DDC: variants seen among roughly 807,000 people sequenced by gnomAD.
DDC encodes dopa decarboxylase, also known as aromatic-L-amino-acid decarboxylase.
DDC carries 43 observed loss-of-function variants against 60.0 expected under a neutral mutation model. The ratio of observed to expected loss-of-function variants is 0.72; its 90% CI spans 0.56 to 0.92. The LOEUF (loss-of-function observed/expected upper bound fraction) is 0.92, where lower values mean the gene tolerates loss of function less well. Ranked by LOEUF, DDC falls within the 40% of genes least tolerant of loss-of-function variation. The pLI, the probability that DDC is intolerant of heterozygous loss-of-function variation, is 0.00. For synonymous variants in DDC, 232 were observed against 234.6 expected, an observed-to-expected ratio of 0.99 and a Z score of 0.10; for missense variants, 573 against 620.2, an observed-to-expected ratio of 0.92 and a Z score of 0.81.
chr7:50,520,576 A>G (rs2043861651), intron 6 of DDC, among the ~76,000 whole-genome samples: 1 of 152,222 alleles, frequency 6.6e-6, no homozygotes, highest in East Asian at 1.9e-4. Context: ...TCTAAAATCT[A>G]TAATCTAAGC....
chr7:50,476,542 G>A (rs935420129), intron 11 of DDC, 82 bp downstream of exon 11: 18 of 1,258,094 alleles, frequency 1.4e-5, no homozygotes, highest in Non-Finnish European at 2.1e-5. Flanking sequence ...CATGAGAGTG[G>A]GGGAGGAGAT....
chr7:50,500,343 C>T (rs980618933), intron 7 of DDC, among the ~76,000 whole-genome samples: 16 of 152,204 alleles, frequency 1.1e-4, no homozygotes, highest in African/African-American at 3.9e-4. Flanking sequence ...CTCATTACCA[C>T]TGGAAGGCCC....
At chr7:50,540,660 C>T (rs936909607) in intron 2 of DDC, among the ~76,000 whole-genome samples, 5 of 152,224 alleles carry the variant, frequency 3.3e-5, no homozygotes, top group African/African-American at 1.2e-4. Context: ...GTCCCTCAGC[C>T]TGGCCACTGC....
intron 9 of DDC, 135 bp downstream of exon 9, chr7:50,495,215 A>G: frequency 1.4e-6 from 1 of 722,572 alleles, no homozygotes; most frequent in Non-Finnish European, 2.5e-6. Context: ...CAATAATTCC[A>G]TCAAGGGTTC....
At chr7:50,459,853 GGCCA>G (rs2042219780) in intron 14 of DDC, among the ~76,000 whole-genome samples, 3 of 142,326 alleles carry the variant, frequency 2.1e-5, no homozygotes, top group Admixed American at 1.4e-4. Flanking sequence ...CCCCCGGCCC[GGCCA>G]GCCGCCCCGT....
chr7:50,540,117 C>T (rs2044574046), intron 2 of DDC, 89 bp from the exon 3 acceptor site: 3 of 975,826 alleles, frequency 3.1e-6, no homozygotes, highest in Admixed American at 2.0e-5. Context: ...TGGCTCCCAG[C>T]TGCCAGATGC....
At chr7:50,558,510 T>C (rs1363909205) in intron 1 of DDC, among the ~76,000 whole-genome samples, 1 of 152,208 alleles carries the variant, frequency 6.6e-6, no homozygotes, top group Admixed American at 6.5e-5. Context: ...TGTTGAACTT[T>C]GGTTGCCACA....
chr7:50,530,828 G>A (rs911281575), intron 4 of DDC, among the ~76,000 whole-genome samples: 20 of 152,112 alleles, frequency 1.3e-4, no homozygotes, highest in African/African-American at 4.8e-4. Flanking sequence ...TAACATGATA[G>A]GTTTTTACAG....
intron 6 of DDC, among the ~76,000 whole-genome samples, chr7:50,508,043 C>G (rs2043448113): frequency 6.6e-6 from 1 of 152,230 alleles, no homozygotes; most frequent in Non-Finnish European, 1.5e-5. Flanking sequence ...ACCCCTGGGA[C>G]ACCAGTCCCT....
At chr7:50,533,890 C>T (rs1349663088) in intron 4 of DDC, among the ~76,000 whole-genome samples, 1 of 152,168 alleles carries the variant, frequency 6.6e-6, no homozygotes, top group Non-Finnish European at 1.5e-5. Flanking sequence ...ATCTGTCCTG[C>T]AGACCCTGGC....
intron 14 of DDC, among the ~76,000 whole-genome samples, chr7:50,461,902 G>T (rs1205365399): frequency 1.3e-5 from 2 of 152,140 alleles, no homozygotes; most frequent in African/African-American, 4.8e-5. Flanking sequence ...AAAGGACCTG[G>T]TTCTCAGGGC....
rs930260961 is a variant in DDC at position 50,476,922 on chromosome 7, C to G, written c.1022-279G>C. Among the ~76,000 whole-genome samples the G allele has an allele frequency of 2.0e-5, 3 of 152,316 alleles. No individual in the cohort carries two copies. The South Asian group carries it at 6.2e-4, about 32-fold the overall frequency. ...TTCTGCAGTTACATAGCATGAACAT[C>G]TGAGGTTTCATCTAGTGCCCAGTAG... On this transcript the variant is annotated intron_variant, in intron 10 of 14. Coordinates refer to ENST00000444124, the MANE Select transcript of DDC (RefSeq NM_001082971.2).
chr7:50,500,275 G>A (rs1484741396), intron 7 of DDC, among the ~76,000 whole-genome samples: 2 of 152,090 alleles, frequency 1.3e-5, no homozygotes, highest in African/African-American at 4.8e-5. Context: ...TGAGGCGTGA[G>A]ACTCTCAGGG....
intron 9 of DDC, among the ~76,000 whole-genome samples, chr7:50,494,854 G>A (rs1284681492): frequency 6.6e-6 from 1 of 151,956 alleles, no homozygotes; most frequent in African/African-American, 2.4e-5. Context: ...GTAGACACGG[G>A]GTTTTACCAT....
At chr7:50,489,701 T>C (rs2042959897) in intron 9 of DDC, among the ~76,000 whole-genome samples, 1 of 152,114 alleles carries the variant, frequency 6.6e-6, no homozygotes, top group Non-Finnish European at 1.5e-5. Flanking sequence ...ACACATAGAT[T>C]GGAAGAGCTA....
chr7:50,553,046 GC>G (rs2045061092), intron 1 of DDC, among the ~76,000 whole-genome samples: 1 of 152,234 alleles, frequency 6.6e-6, no homozygotes, highest in Admixed American at 6.5e-5. Flanking sequence ...CTCTGCCACA[GC>G]CACTGAAGAG....
At chr7:50,465,537 A>C (rs745682482) in intron 13 of DDC, among the ~76,000 whole-genome samples, 14 of 152,114 alleles carry the variant, frequency 9.2e-5, no homozygotes, top group Admixed American at 7.2e-4. Flanking sequence ...ACTCCTGACT[A>C]ATTTTTGTAT....
chr7:50,496,491 G>T (rs367756001), intron 8 of DDC, among the ~76,000 whole-genome samples: 4 of 152,170 alleles, frequency 2.6e-5, no homozygotes, highest in African/African-American at 9.7e-5. Flanking sequence ...CTGGCTGCAT[G>T]CATCAGTGTT....
rs931702374 is a variant in DDC at position 50,543,911 on chromosome 7, C to T, written c.175G>A (p.Asp59Asn). Reference sequence around the variant, plus strand: ...CCAGGCATGATTATCTTCTCAACGTCGTTGATGATGTCCTCAAACGTGTCT... The same window carrying T: ...CCAGGCATGATTATCTTCTCAACGTTGTTGATGATGTCCTCAAACGTGTCT... ...EPDTFEDIIN[D>N]VEKIIMPGVT... Residue 59 changes from aspartate to asparagine, a missense_variant, in exon 2 of 15, where the codon GAC becomes AAC. Physicochemically the swap from Asp to Asn is conservative, Grantham distance 23. Coordinates refer to ENST00000444124, the MANE Select transcript of DDC (RefSeq NM_001082971.2). 7 of 1,614,138 alleles carry T rather than the reference C, an allele frequency of 4.3e-6. No homozygotes were observed. Among genetic ancestry groups the T allele is most frequent in the South Asian group, 1.1e-5 (1 of 91,060 alleles).
Sources: gnomAD v4.1 joint callset for allele counts (sites outside exome capture counted in the v4.1 genomes callset) on GRCh38, gnomAD v4.1.1 for gene constraint, MANE v1.5 for transcripts, NCBI Gene and HGNC (gene_info 2026-07-23, HGNC 2026-07-21) for gene names.